Variants in UBE2G1 observed in about 807,000 individuals in gnomAD.
UBE2G1 encodes the protein ubiquitin-conjugating enzyme E2 G1.
Under a neutral mutation model 22.7 loss-of-function variants are expected in UBE2G1, and 5 were observed. That is an observed-to-expected ratio of 0.22 (90% CI 0.12 to 0.46). The LOEUF is 0.46. Among genes scored for constraint, UBE2G1 ranks in the 20% least tolerant of loss-of-function variants. UBE2G1 has a pLI of 0.99. For synonymous variants in UBE2G1, 74 were observed against 67.5 expected (o/e 1.10, Z -0.47); for missense variants, 88 against 203.9 (o/e 0.43, Z 3.46).
chr17:4,302,285 G>C (rs1266565440), intron 2 of UBE2G1: 4 of 473,818 alleles, frequency 8.4e-6, no homozygotes, highest in East Asian at 5.5e-5. Flanking sequence ...ATGACACGGG[G>C]AAGAACAGCA....
At chr17:4,274,335 A>ATC (rs1567512574) in intron 5 of UBE2G1, among the ~76,000 whole-genome samples, 41 of 151,334 alleles carry the variant, frequency 2.7e-4, no homozygotes, top group Admixed American at 1.7e-3. Flanking sequence ...GTAGCTGGGA[A>ATC]TACAGGCGCC....
At chr17:4,290,352 A>G (rs1358818286) in intron 3 of UBE2G1, among the ~76,000 whole-genome samples, 1 of 152,252 alleles carries the variant, frequency 6.6e-6, no homozygotes, top group Non-Finnish European at 1.5e-5. Context: ...TTTTCGTTTC[A>G]TAACATCAGT....
At chr17:4,286,062 A>G (rs1381795609) in intron 4 of UBE2G1, among the ~76,000 whole-genome samples, 1 of 152,152 alleles carries the variant, frequency 6.6e-6, no homozygotes, top group African/African-American at 2.4e-5. Flanking sequence ...CAGAAAATCA[A>G]TACTATGAAA....
chr17:4,286,775 C>G (rs1368920870), intron 4 of UBE2G1, among the ~76,000 whole-genome samples: 3 of 152,160 alleles, frequency 2.0e-5, no homozygotes, highest in Non-Finnish European at 2.9e-5. Context: ...GGTGCAGTAG[C>G]TCATGCCTGT....
At chr17:4,295,163 T>C in intron 3 of UBE2G1, among the ~76,000 whole-genome samples, 1 of 152,040 alleles carries the variant, frequency 6.6e-6, no homozygotes, top group Admixed American at 6.6e-5. Context: ...CAAGTGAAGG[T>C]AGAAGAAACT....
At chr17:4,280,605 G>C (rs1968876593) in intron 5 of UBE2G1, among the ~76,000 whole-genome samples, 1 of 150,992 alleles carries the variant, frequency 6.6e-6, no homozygotes, top group Admixed American at 6.6e-5. Context: ...CCAAAATGCT[G>C]GGTTACAGGC....
Position 4,351,053 on chromosome 17 carries a change from G to C in UBE2G1, c.46+15218C>G, listed in dbSNP as rs903584395. ...GTCAAAAAAAAAAAAAAAAAATTTA[G>C]CCAGGTGTAGTGGTGCGTGCCTGTA... On this transcript the variant is annotated intron_variant, in intron 1 of 5. Transcript: ENST00000396981. Among the ~76,000 whole-genome samples the C allele has an allele frequency of 4.6e-5, 7 of 150,616 alleles. 1 individual carries two copies. The South Asian group carries it at 1.0e-3, about 23-fold the overall frequency.
At chr17:4,353,396 A>G (rs1233534719) in intron 1 of UBE2G1, among the ~76,000 whole-genome samples, 2 of 151,880 alleles carry the variant, frequency 1.3e-5, no homozygotes, top group Admixed American at 6.6e-5. Flanking sequence ...ATTACCAACT[A>G]ATATAAACTA....
At chr17:4,346,578 G>C (rs1450822378) in intron 1 of UBE2G1, among the ~76,000 whole-genome samples, 2 of 151,534 alleles carry the variant, frequency 1.3e-5, no homozygotes, top group African/African-American at 2.4e-5. Context: ...TGGGACTATA[G>C]GTGTGCACCA....
intron 4 of UBE2G1, among the ~76,000 whole-genome samples, chr17:4,286,114 A>C (rs1286458384): frequency 6.6e-6 from 1 of 152,110 alleles, no homozygotes; most frequent in Non-Finnish European, 1.5e-5. Flanking sequence ...AAAGCAAGTA[A>C]GAATAGTAAA....
chr17:4,284,896 G>C (rs746869588), intron 4 of UBE2G1, among the ~76,000 whole-genome samples: 33 of 131,538 alleles, frequency 2.5e-4, no homozygotes, highest in South Asian at 4.7e-4. Context: ...CTGGGCTGAA[G>C]TGCAGTGGTG....
chr17:4,289,933 C>A (rs1319729786), intron 3 of UBE2G1, among the ~76,000 whole-genome samples: 1 of 152,066 alleles, frequency 6.6e-6, no homozygotes, highest in African/African-American at 2.4e-5. Context: ...GGAGTATATT[C>A]AAATTCACAA....
chr17:4,353,396 A>C (rs1233534719), intron 1 of UBE2G1, among the ~76,000 whole-genome samples: 1 of 151,880 alleles, frequency 6.6e-6, no homozygotes, highest in Non-Finnish European at 1.5e-5. Flanking sequence ...ATTACCAACT[A>C]ATATAAACTA....
In UBE2G1 at chr17:4,269,803, T is replaced by C. The variant is rs1968730688; in HGVS notation, c.*2751A>G. 5.4e-6 allele frequency: 1 copy of C among 184,740 alleles called. No individual in the cohort carries two copies. Among genetic ancestry groups the C allele is most frequent in the Admixed American group, 4.3e-5 (1 of 23,048 alleles). 11.4% of individuals were successfully genotyped at this position (184,740 alleles called of 1,614,324 possible). ...ACAGTTCTACAATCCATAAGATCTA[T>C]GGAGATGTTGTTGATGGTTGGCACA... On this transcript the variant is annotated 3_prime_UTR_variant, in exon 6 of 6. Coordinates refer to ENST00000396981, the MANE Select transcript of UBE2G1 (RefSeq NM_003342.5).
At chr17:4,279,275 CAAAA>C (rs10593474) in intron 5 of UBE2G1, among the ~76,000 whole-genome samples, 1 of 131,606 alleles carries the variant, frequency 7.6e-6, no homozygotes, top group Admixed American at 7.4e-5. Context: ...AACTCCATCT[CAAAA>C]AAAAAAAAAA....
At chr17:4,365,835 CAG>C (rs1298477992) in intron 1 of UBE2G1, among the ~76,000 whole-genome samples, 1 of 152,188 alleles carries the variant, frequency 6.6e-6, no homozygotes, top group Non-Finnish European at 1.5e-5. Flanking sequence ...CGCCCGCCCT[CAG>C]ACACCGAGCC....
chr17:4,296,070 A>G (rs938804075), intron 3 of UBE2G1, among the ~76,000 whole-genome samples: 2 of 151,762 alleles, frequency 1.3e-5, no homozygotes, highest in Non-Finnish European at 2.9e-5. Context: ...TTACAGAACC[A>G]GGTTTCATAA....
chr17:4,300,244 T>C (rs1452893367), intron 2 of UBE2G1, among the ~76,000 whole-genome samples: 1 of 152,164 alleles, frequency 6.6e-6, no homozygotes, highest in Non-Finnish European at 1.5e-5. Flanking sequence ...TTTTCAAATA[T>C]AGAAAGATGT....
At chr17:4,297,022 C>A (rs1036210905) in intron 2 of UBE2G1, among the ~76,000 whole-genome samples, 1 of 152,176 alleles carries the variant, frequency 6.6e-6, no homozygotes, top group Non-Finnish European at 1.5e-5. Context: ...TTCAAGAGAG[C>A]TGGTAAAATG....
Sources: allele counts gnomAD v4.1 joint callset (sites outside exome capture counted in the v4.1 genomes callset), GRCh38; gene constraint gnomAD v4.1.1; transcripts MANE v1.5; gene names NCBI Gene and HGNC (gene_info 2026-07-23, HGNC 2026-07-21).